The following DCX variants were observed in gnomAD, a reference collection of about 807,000 sequenced individuals.
DCX encodes the protein doublecortin, also known as neuronal migration protein doublecortin.
A neutral mutation model predicts 20.9 loss-of-function variants in DCX; 4 were observed. The observed-to-expected ratio is 0.19, with a 90% CI of 0.09 to 0.44. The LOEUF (loss-of-function observed/expected upper bound fraction) is 0.44, where lower values mean the gene tolerates loss of function less well. Ranked by LOEUF, DCX falls within the 20% of genes least tolerant of loss-of-function variation. The probability of loss-of-function intolerance (pLI) is 0.99; values close to 1 mark genes in which losing one functional copy is unlikely to be tolerated. For synonymous variants in DCX, 103 were observed against 111.4 expected, an observed-to-expected ratio of 0.92 and a Z score of 0.47; for missense variants, 133 against 296.9, an observed-to-expected ratio of 0.45 and a Z score of 4.06.
chrX:111,303,274 G>C (rs1278718769), intron 6 of DCX, among the ~76,000 whole-genome samples: 1 of 109,520 alleles, frequency 9.1e-6, no homozygotes, highest in African/African-American at 3.3e-5. Flanking sequence ...CATGTTATCA[G>C]TAAGATACCA....
chrX:111,316,067 C>T (rs914776176), intron 5 of DCX, among the ~76,000 whole-genome samples: 2 of 53,805 alleles, frequency 3.7e-5, no homozygotes, highest in African/African-American at 2.4e-4. Flanking sequence ...TACCCTAAAA[C>T]TTAGAGTATA....
intron 3 of DCX, among the ~76,000 whole-genome samples, chrX:111,357,308 C>T (rs562324516): frequency 8.9e-6 from 1 of 111,936 alleles, no homozygotes; most frequent in South Asian, 3.8e-4. Flanking sequence ...CTCAGGATCA[C>T]ACTGTCCCCT....
At chrX:111,379,679 C>T (rs1356831726) in intron 3 of DCX, among the ~76,000 whole-genome samples, 1 of 111,398 alleles carries the variant, frequency 9.0e-6, no homozygotes. Context: ...TGAATATCTG[C>T]GTGCAAGGTT....
At chrX:111,358,603 G>A (rs1923949903) in intron 3 of DCX, among the ~76,000 whole-genome samples, 1 of 112,110 alleles carries the variant, frequency 8.9e-6, no homozygotes, top group Admixed American at 9.5e-5. Flanking sequence ...CATTAAACAT[G>A]TAGCCTTTGG....
chrX:111,327,924 T>A (rs2095103287), intron 5 of DCX, among the ~76,000 whole-genome samples: 2 of 112,647 alleles, frequency 1.8e-5, no homozygotes, highest in South Asian at 7.3e-4. Flanking sequence ...CCTTCAGGGT[T>A]GGAATCATGA....
In DCX at chrX:111,385,485, G is replaced by A. The variant is rs781132115; in HGVS notation, c.705+15505C>T. Reference sequence around the variant, plus strand: ...AGCCTGGCCAGTATGGTGAAACCTCGTCTCTACTAAAAATACAAAAATTAG... The same window carrying A: ...AGCCTGGCCAGTATGGTGAAACCTCATCTCTACTAAAAATACAAAAATTAG... On this transcript the variant is annotated intron_variant, in intron 3 of 6. Transcript: ENST00000636035. Among the ~76,000 whole-genome samples the A allele has an allele frequency of 2.7e-5, 3 of 109,159 alleles. No individual in the cohort carries two copies. In the Admixed American group the frequency reaches 3.0e-4, roughly 11 times the overall value. 94.8% of individuals were successfully genotyped at this position (109,159 alleles called of 115,157 possible). A position where few individuals can be genotyped will look rare whatever the true frequency, so the allele number is the denominator to read the frequency against.
At chrX:111,409,998 C>A (rs1270394472) in intron 2 of DCX, 37 bp downstream of exon 2, 1 of 1,210,096 alleles carries the variant, frequency 8.3e-7, no homozygotes, top group Admixed American at 2.2e-5. Flanking sequence ...AATGATGCCA[C>A]CTCCCACCAA....
chrX:111,317,856 C>G (rs757491579), intron 5 of DCX, among the ~76,000 whole-genome samples: 8 of 111,220 alleles, frequency 7.2e-5, no homozygotes, highest in Non-Finnish European at 1.3e-4. Context: ...ATCAAAACCA[C>G]AATGAGATAC....
At chrX:111,391,596 G>C (rs187586177) in intron 3 of DCX, among the ~76,000 whole-genome samples, 4 of 110,448 alleles carry the variant, frequency 3.6e-5, no homozygotes, top group Non-Finnish European at 7.6e-5. Flanking sequence ...CTTTTTTTGT[G>C]GGGGGAAGCG....
intron 3 of DCX, among the ~76,000 whole-genome samples, chrX:111,336,413 A>G (rs927295683): frequency 2.7e-5 from 3 of 112,642 alleles, no homozygotes; most frequent in African/African-American, 9.7e-5. Flanking sequence ...GCTGTTCAGC[A>G]TCAGATGTCT....
At chrX:111,338,538 G>A (rs1213704071) in intron 3 of DCX, among the ~76,000 whole-genome samples, 3 of 110,133 alleles carry the variant, frequency 2.7e-5, no homozygotes, top group African/African-American at 9.9e-5. Context: ...TTGACACAGA[G>A]TTGGCTTGGT....
rs1012587069 is a variant in DCX, at chrX:111,301,426, C to A, written c.*261G>T. The A allele has an allele frequency of 2.4e-6, 1 of 416,270 alleles. No individual in the cohort carries two copies. The highest frequency in any genetic ancestry group is 4.0e-5 in the Admixed American group (1 of 25,008). 34.3% of individuals were successfully genotyped at this position (416,270 alleles called of 1,213,427 possible). A position where few individuals can be genotyped will look rare whatever the true frequency, so the allele number is the denominator to read the frequency against. ...TTTCCATTGAAAGGTCATGGACTAGCACATTTTGCATCCCTGGAATGCTGC... is the reference window on the plus strand; with the variant it reads ...TTTCCATTGAAAGGTCATGGACTAGAACATTTTGCATCCCTGGAATGCTGC... On this transcript the variant is annotated 3_prime_UTR_variant, in exon 7 of 7. Transcript: ENST00000636035.
chrX:111,309,118 G>A (rs947939776), intron 6 of DCX, among the ~76,000 whole-genome samples: 12 of 112,041 alleles, frequency 1.1e-4, no homozygotes, highest in African/African-American at 1.9e-4. Flanking sequence ...GATTTACTTC[G>A]TGTCCATATT....
intron 3 of DCX, among the ~76,000 whole-genome samples, chrX:111,375,981 C>A (rs765983197): frequency 1.8e-5 from 2 of 112,128 alleles, no homozygotes; most frequent in Admixed American, 9.4e-5. Context: ...TTGAGAGAAA[C>A]AAGCTCTGAG....
At chrX:111,411,088 T>C in intron 1 of DCX, 1 of 652,650 alleles carries the variant, frequency 1.5e-6, no homozygotes, top group Non-Finnish European at 2.5e-6. Context: ...CTTTGTGCTA[T>C]TCATCAAACC....
At chrX:111,321,393 C>T (rs951529692) in intron 5 of DCX, among the ~76,000 whole-genome samples, 1 of 111,825 alleles carries the variant, frequency 8.9e-6, no homozygotes, top group African/African-American at 3.3e-5. Flanking sequence ...AATGATTATG[C>T]CTGTTCTTGC....
intron 3 of DCX, among the ~76,000 whole-genome samples, chrX:111,374,681 T>C: frequency 9.1e-6 from 1 of 110,280 alleles, no homozygotes; most frequent in Non-Finnish European, 1.9e-5. Flanking sequence ...AGCACCTTTC[T>C]CCACCCTCAC....
At chrX:111,303,047 T>C (rs1342728056) in intron 6 of DCX, among the ~76,000 whole-genome samples, 2 of 111,125 alleles carry the variant, frequency 1.8e-5, no homozygotes, top group Non-Finnish European at 3.8e-5. Flanking sequence ...TTGCTTATAA[T>C]CCATTTTTAA....
At chrX:111,347,654 G>A (rs925177481) in intron 3 of DCX, among the ~76,000 whole-genome samples, 2 of 111,404 alleles carry the variant, frequency 1.8e-5, no homozygotes, top group Admixed American at 9.5e-5. Context: ...ACTGACGCCC[G>A]TCTGATCCTC....
Sources: allele counts gnomAD v4.1 joint callset (sites outside exome capture counted in the v4.1 genomes callset), GRCh38; gene constraint gnomAD v4.1.1; transcripts MANE v1.5; gene names NCBI Gene and HGNC (gene_info 2026-07-23, HGNC 2026-07-21).